Variants in CATSPERE observed in about 807,000 individuals in gnomAD.
CATSPERE encodes the protein catsper channel auxiliary subunit epsilon, also known as cation channel sperm-associated auxiliary subunit epsilon.
A neutral mutation model predicts 114.1 loss-of-function variants in CATSPERE; 93 were observed. The ratio of observed to expected loss-of-function variants is 0.81; its 90% CI spans 0.69 to 0.97. The LOEUF is 0.97. Among genes scored for constraint, CATSPERE ranks in the 50% least tolerant of loss-of-function variants. The pLI, the probability that CATSPERE is intolerant of heterozygous loss-of-function variation, is 0.00. For synonymous variants in CATSPERE, 341 were observed against 384.1 expected, an observed-to-expected ratio of 0.89 and a Z score of 1.31; for missense variants, 1,058 against 1,131.6, an observed-to-expected ratio of 0.93 and a Z score of 0.93.
chr1:244,493,602 G>A (rs1672601865), intron 6 of CATSPERE, among the ~76,000 whole-genome samples: 1 of 152,152 alleles, frequency 6.6e-6, no homozygotes, highest in Non-Finnish European at 1.5e-5. Context: ...TGACAAATGG[G>A]ATCTAATTAA....
chr1:244,462,861 A>T (rs1667029464), intron 1 of CATSPERE, among the ~76,000 whole-genome samples: 2 of 152,196 alleles, frequency 1.3e-5, no homozygotes, highest in African/African-American at 4.8e-5. Context: ...TACAGAAAAA[A>T]GGCCTCTGAT....
chr1:244,465,046 T>A (rs553521271), intron 2 of CATSPERE, among the ~76,000 whole-genome samples: 1 of 151,750 alleles, frequency 6.6e-6, no homozygotes, highest in Non-Finnish European at 1.5e-5. Context: ...TCCTTTTTTT[T>A]TTTTTTGGAG....
chr1:244,473,114 T>C (rs1668747770), intron 2 of CATSPERE, among the ~76,000 whole-genome samples: 2 of 152,216 alleles, frequency 1.3e-5, no homozygotes, highest in Admixed American at 1.3e-4. Context: ...GGACCCCATT[T>C]GGGTGAATAC....
Position 244,477,959 on chromosome 1 carries a change from C to T in CATSPERE, c.242C>T (p.Pro81Leu). The T allele has an allele frequency of 6.2e-7, 1 of 1,602,682 alleles. No homozygotes were observed. The highest frequency in any genetic ancestry group is 8.5e-7 in the Non-Finnish European group (1 of 1,170,612). The change falls in exon 4 of 22, where the codon CCA becomes CTA. Residue 81 changes from proline to leucine, a missense_variant. By Grantham distance (98) the Pro-to-Leu change is moderately conservative. Transcript: ENST00000366534. The part of the protein sequence containing the change: ...CSSPGVHAIK[P>L]IVTGPDEEER... ...TCACCTGGTGTTCACGCTATAAAAC[C>T]AATTGTTACTGGCCCAGTAAGTTGT...
At chr1:244,543,127 C>T (rs571050958) in intron 8 of CATSPERE, among the ~76,000 whole-genome samples, 83 of 152,246 alleles carry the variant, frequency 5.5e-4, no homozygotes, top group African/African-American at 2.0e-3. Flanking sequence ...AGCCATCCCA[C>T]TTCTAAGTGT....
chr1:244,521,432 G>A (rs1043205534), intron 8 of CATSPERE, among the ~76,000 whole-genome samples: 1 of 151,928 alleles, frequency 6.6e-6, no homozygotes, highest in Non-Finnish European at 1.5e-5. Flanking sequence ...TACCAGAAGT[G>A]CAAGTTCAGT....
At position 244,591,746 on chromosome 1, in the gene CATSPERE, A is replaced by G. The variant is rs774135078; in HGVS notation, c.2189+15A>G. 6.8e-6 allele frequency: 10 copies of G among 1,464,738 alleles called. No individual in the cohort carries two copies. In the South Asian group the frequency reaches 1.2e-4, roughly 17 times the overall value. 90.7% of individuals were successfully genotyped at this position (1,464,738 alleles called of 1,614,324 possible). A position where few individuals can be genotyped will look rare whatever the true frequency, so the allele number is the denominator to read the frequency against. On this transcript the variant is annotated intron_variant, in intron 15 of 21. Coordinates refer to ENST00000366534, the MANE Select transcript of CATSPERE (RefSeq NM_001130957.2). ...GTGATTGAAAAGTAAGAAATTTTTT[A>G]ACATAAGCACTGAGTTTTATATTAA...
chr1:244,569,312 C>T (rs906267567), intron 10 of CATSPERE, among the ~76,000 whole-genome samples: 11 of 152,228 alleles, frequency 7.2e-5, no homozygotes, highest in African/African-American at 2.7e-4. Context: ...GTTGGAAATG[C>T]AGAAATCACC....
intron 13 of CATSPERE, among the ~76,000 whole-genome samples, chr1:244,584,801 C>T (rs1432624984): frequency 2.6e-5 from 4 of 152,130 alleles, no homozygotes; most frequent in Admixed American, 2.6e-4. Flanking sequence ...TTAGAGGGAG[C>T]CTTGAACTGA....
chr1:244,506,600 TTGAG>T (rs1216145777), intron 7 of CATSPERE, among the ~76,000 whole-genome samples: 1 of 152,192 alleles, frequency 6.6e-6, no homozygotes, highest in African/African-American at 2.4e-5. Flanking sequence ...TTTGTTTTTA[TTGAG>T]TAACAAGATT....
At chr1:244,528,785 C>CCACACACGCACGCGCACACACACACACA (rs749801424) in intron 8 of CATSPERE, among the ~76,000 whole-genome samples, 1 of 130,536 alleles carries the variant, frequency 7.7e-6, no homozygotes, top group African/African-American at 3.0e-5. Context: ...CAATCCCCCA[C>CCACACACGCACGCGCACACACACACACA]CACACACACA....
At chr1:244,514,309 G>A (rs1324402473) in intron 7 of CATSPERE, among the ~76,000 whole-genome samples, 2 of 152,148 alleles carry the variant, frequency 1.3e-5, no homozygotes, top group East Asian at 1.9e-4. Flanking sequence ...ATTGAATACT[G>A]TATGATTCCA....
intron 7 of CATSPERE, among the ~76,000 whole-genome samples, chr1:244,516,402 T>C (rs9943260): frequency 0.13 from 19,589 of 152,046 alleles, 2,201 homozygotes; most frequent in African/African-American, 0.3. Flanking sequence ...GGCTGGAGTG[T>C]AGTAGTGTGA....
At chr1:244,473,700 T>C (rs1170786355) in intron 2 of CATSPERE, among the ~76,000 whole-genome samples, 1 of 152,128 alleles carries the variant, frequency 6.6e-6, no homozygotes, top group Non-Finnish European at 1.5e-5. Context: ...ACCGAGGTCT[T>C]CTCTCATTAC....
rs143774694 is a variant in CATSPERE, at chr1:244,568,534, C to T, written c.1508-3796C>T. 9.4e-3 allele frequency among the ~76,000 whole-genome samples: 1,433 copies of T among 152,346 alleles called. 29 individuals carry two copies. The highest frequency in any genetic ancestry group is 0.032 in the African/African-American group (1,315 of 41,582). ...GGCTGCTGCCTTTCTTTCAGAGATG[C>T]GCTGCCCAGAGAGGAGGAATCTAGA... is the stretch of plus-strand genomic sequence containing the variant. On this transcript the variant is annotated intron_variant, in intron 10 of 21. Coordinates refer to ENST00000366534, the MANE Select transcript of CATSPERE (RefSeq NM_001130957.2). This position sits in a 1 kb window ranked among gnomAD's most constrained non-coding sequence, Gnocchi z 4.4.
intron 8 of CATSPERE, among the ~76,000 whole-genome samples, chr1:244,548,639 C>T (rs1358881330): frequency 6.6e-6 from 1 of 152,208 alleles, no homozygotes; most frequent in Non-Finnish European, 1.5e-5. Context: ...CAAGAGAAGA[C>T]AGCACTGGAT....
chr1:244,500,424 C>G (rs1417923831), intron 7 of CATSPERE, among the ~76,000 whole-genome samples: 1 of 152,138 alleles, frequency 6.6e-6, no homozygotes, highest in Non-Finnish European at 1.5e-5. Flanking sequence ...TTGCCCATGC[C>G]TATATCCTGA....
At chr1:244,582,715 T>C (rs1234145334) in intron 12 of CATSPERE, among the ~76,000 whole-genome samples, 1 of 152,174 alleles carries the variant, frequency 6.6e-6, no homozygotes, top group Non-Finnish European at 1.5e-5. Flanking sequence ...GAATCCATTT[T>C]TCTTTAGTCT....
intron 7 of CATSPERE, among the ~76,000 whole-genome samples, chr1:244,511,988 T>C (rs1174926907): frequency 6.6e-6 from 1 of 152,244 alleles, no homozygotes; most frequent in Non-Finnish European, 1.5e-5. Context: ...CTTTACCTTT[T>C]GGCAGTTTGA....
Sources: allele counts gnomAD v4.1 joint callset (sites outside exome capture counted in the v4.1 genomes callset), GRCh38; gene constraint gnomAD v4.1.1; non-coding constraint Gnocchi (gnomAD v3.1); transcripts MANE v1.5; gene names NCBI Gene and HGNC (gene_info 2026-07-23, HGNC 2026-07-21).